Variants in BABAM2 observed in about 807,000 individuals in gnomAD.
The protein encoded by BABAM2 is BRISC and BRCA1-A complex member 2.
A neutral mutation model predicts 54.7 loss-of-function variants in BABAM2; 31 were observed. That is an observed-to-expected ratio of 0.57 (90% CI 0.43 to 0.77). The LOEUF (loss-of-function observed/expected upper bound fraction) is 0.77. BABAM2 is among the 30% of genes least tolerant of loss of function. The pLI is 0.00. For missense variants in BABAM2, 364 were observed against 455.8 expected (o/e 0.80, Z 1.83); for synonymous variants, 167 against 162.9 (o/e 1.03, Z -0.19).
chr2:27,987,569 C>G (rs1018839236), intron 3 of BABAM2, among the ~76,000 whole-genome samples: 1 of 152,050 alleles, frequency 6.6e-6, no homozygotes, highest in Non-Finnish European at 1.5e-5. Context: ...AATCCCAGCA[C>G]TTTGGGAGGC....
chr2:27,932,683 C>G (rs1326949102), intron 3 of BABAM2, among the ~76,000 whole-genome samples: 6 of 152,170 alleles, frequency 3.9e-5, no homozygotes, highest in African/African-American at 1.4e-4. Flanking sequence ...ATAGACTATT[C>G]CGTGAGGAGC....
At chr2:28,032,889 T>C (rs1676400008) in intron 5 of BABAM2, among the ~76,000 whole-genome samples, 1 of 152,090 alleles carries the variant, frequency 6.6e-6, no homozygotes, top group Admixed American at 6.6e-5. Context: ...TCACTCAGTT[T>C]CCCCCAGTGG....
intron 3 of BABAM2, among the ~76,000 whole-genome samples, chr2:27,967,911 G>A (rs1380043812): frequency 6.6e-6 from 1 of 152,176 alleles, no homozygotes; most frequent in East Asian, 1.9e-4. Flanking sequence ...AAGCAGCAAA[G>A]CATTCAAAAG....
intron 7 of BABAM2, among the ~76,000 whole-genome samples, chr2:28,227,393 T>G (rs1680987662): frequency 6.6e-6 from 1 of 152,120 alleles, no homozygotes; most frequent in East Asian, 1.9e-4. Context: ...GCTGTCCACA[T>G]TGAGAACCTG....
intron 10 of BABAM2, among the ~76,000 whole-genome samples, chr2:28,289,126 A>G (rs1361367563): frequency 6.6e-6 from 1 of 152,090 alleles, no homozygotes; most frequent in African/African-American, 2.4e-5. Context: ...ATTCATAAAC[A>G]CTACTCAACT....
intron 4 of BABAM2, among the ~76,000 whole-genome samples, chr2:27,997,483 C>T (rs1673248043): frequency 6.6e-6 from 1 of 152,054 alleles, no homozygotes; most frequent in South Asian, 2.1e-4. Flanking sequence ...AGTAGAAGAA[C>T]CCTGGTTCAA....
At chr2:27,979,391 C>T (rs1480957165) in intron 3 of BABAM2, among the ~76,000 whole-genome samples, 1 of 151,578 alleles carries the variant, frequency 6.6e-6, no homozygotes, top group Non-Finnish European at 1.5e-5. Flanking sequence ...GATTCCAAGT[C>T]TTTGCTATTG....
At chr2:27,979,887 A>G (rs1384096959) in intron 3 of BABAM2, among the ~76,000 whole-genome samples, 1 of 152,064 alleles carries the variant, frequency 6.6e-6, no homozygotes, top group Non-Finnish European at 1.5e-5. Flanking sequence ...GATATGGTCC[A>G]CTCTGCATAT....
At position 28,113,421 on chromosome 2, in the gene BABAM2, G is replaced by A. The variant is rs541203472; in HGVS notation, c.571-15850G>A. Among the ~76,000 whole-genome samples the A allele has an allele frequency of 3.3e-5, 5 of 152,210 alleles. No individual in the cohort carries two copies. The East Asian group carries it at 9.7e-4, about 29-fold the overall frequency. On this transcript the variant is annotated intron_variant, in intron 6 of 11. Coordinates refer to ENST00000379624, the MANE Select transcript of BABAM2 (RefSeq NM_199191.3). ...TGCAATAGGGAATCTTTTCCCCATT[G>A]CTTGTTTTTGTCAGGTTTGTCAAAG...
chr2:28,062,424 G>A (rs1678957061), intron 6 of BABAM2, among the ~76,000 whole-genome samples: 1 of 150,962 alleles, frequency 6.6e-6, no homozygotes, highest in South Asian at 2.1e-4. Context: ...TTAGCCTGGT[G>A]TGGTGGTGCG....
In BABAM2 at chr2:27,894,550, A is replaced by G. The variant is rs1665132399; in HGVS notation, c.-7A>G. 1 of 1,613,780 alleles carries G rather than the reference A, an allele frequency of 6.2e-7. No individual in the cohort carries two copies. ...GCTTTCAGTGGTGATTTACAAGTCA[A>G]GTTAAAATGTCCCCAGAAGTGGCCT... On this transcript the variant is annotated 5_prime_UTR_variant, in exon 2 of 12. Transcript: ENST00000379624.
chr2:28,100,107 G>T (rs932066460), intron 6 of BABAM2, among the ~76,000 whole-genome samples: 18 of 152,064 alleles, frequency 1.2e-4, no homozygotes, highest in Admixed American at 1.0e-3. Flanking sequence ...ATTTTAGATA[G>T]ATTTTTAATT....
Position 27,915,228 on chromosome 2 carries a change from C to T in BABAM2, c.129-14604C>T, listed in dbSNP as rs184222259. ...GTTTTTAGCTCAGAAAATTATTGCCCCAGTGAAGTAAAGGGTTTAAGGAAA... is the reference window on the plus strand; with the variant it reads ...GTTTTTAGCTCAGAAAATTATTGCCTCAGTGAAGTAAAGGGTTTAAGGAAA... On this transcript the variant is annotated intron_variant, in intron 2 of 11. Coordinates refer to ENST00000379624, the MANE Select transcript of BABAM2 (RefSeq NM_199191.3). 6.8e-3 allele frequency among the ~76,000 whole-genome samples: 1,028 copies of T among 152,074 alleles called. 11 individuals carry two copies. The highest frequency in any genetic ancestry group is 0.024 in the African/African-American group (976 of 41,468).
At chr2:28,308,388 A>T (rs999751346) in intron 11 of BABAM2, 1 of 505,428 alleles carries the variant, frequency 2.0e-6, no homozygotes, top group South Asian at 1.5e-5. Context: ...ATAATTCATC[A>T]TCAGGTTCCC....
At chr2:28,323,800 G>A (rs1690224137) in intron 11 of BABAM2, among the ~76,000 whole-genome samples, 1 of 152,182 alleles carries the variant, frequency 6.6e-6, no homozygotes, top group South Asian at 2.1e-4. Flanking sequence ...TCGTTATTTA[G>A]AGAACATTTG....
In BABAM2 at chr2:27,995,119, G is replaced by A. The variant is rs534492795; in HGVS notation, c.300+7032G>A. Among the ~76,000 whole-genome samples the A allele has an allele frequency of 2.3e-4, 35 of 152,266 alleles. No individual in the cohort carries two copies. The highest frequency in any genetic ancestry group is 8.4e-4 in the African/African-American group (35 of 41,528). ...TTCCTACCTCCTTGTTGGAGAGGGT[G>A]TGGCTGCAGGCTACGGGAAGATGAA... On this transcript the variant is annotated intron_variant, in intron 4 of 11. Transcript: ENST00000379624. This position sits in a 1 kb window ranked among gnomAD's most constrained non-coding sequence, Gnocchi z 4.1.
upstream of BABAM2, chr2:27,890,665 G>A (rs1371557303): frequency 1.9e-5 from 4 of 209,694 alleles, no homozygotes; most frequent in Admixed American, 2.4e-4. This position sits in a 1 kb window ranked among gnomAD's most constrained non-coding sequence, Gnocchi z 4.8. Flanking sequence ...GGCTCGGCGC[G>A]GCGCGGGGGC....
chr2:27,967,984 A>C (rs1240735715), intron 3 of BABAM2, among the ~76,000 whole-genome samples: 1 of 152,228 alleles, frequency 6.6e-6, no homozygotes, highest in African/African-American at 2.4e-5. Context: ...AAAGTTTGGA[A>C]AATTTGCAGC....
At chr2:28,222,552 T>G (rs1680513834) in intron 7 of BABAM2, among the ~76,000 whole-genome samples, 1 of 152,214 alleles carries the variant, frequency 6.6e-6, no homozygotes, top group Non-Finnish European at 1.5e-5. Flanking sequence ...ACTTTTCTCA[T>G]AAGTCATGTT....
Sources: allele counts gnomAD v4.1 joint callset (sites outside exome capture counted in the v4.1 genomes callset), GRCh38; gene constraint gnomAD v4.1.1; non-coding constraint Gnocchi (gnomAD v3.1); transcripts MANE v1.5; gene names NCBI Gene and HGNC (gene_info 2026-07-23, HGNC 2026-07-21).